Variants in TAOK3 observed in about 807,000 individuals in gnomAD.
TAOK3 encodes the protein TAO kinase 3, also known as serine/threonine-protein kinase TAO3.
TAOK3 carries 40 observed loss-of-function variants against 120.4 expected under a neutral mutation model. The ratio of observed to expected loss-of-function variants is 0.33; its 90% CI spans 0.26 to 0.43. The LOEUF (loss-of-function observed/expected upper bound fraction) is 0.43. Among genes scored for constraint, TAOK3 ranks in the 20% least tolerant of loss-of-function variants. The pLI, the probability that TAOK3 is intolerant of heterozygous loss-of-function variation, is 1.00. For missense variants in TAOK3, 821 were observed against 1,112.1 expected (o/e 0.74, Z 3.72); for synonymous variants, 355 against 387.5 (o/e 0.92, Z 0.99).
Position 118,241,992 on chromosome 12 carries a change from C to G in TAOK3, c.294+1423G>C, listed in dbSNP as rs149980711. On this transcript the variant is annotated intron_variant, in intron 5 of 20. Transcript: ENST00000392533. Reference sequence around the variant, plus strand: ...GGGTGTGGTACTCCGGTGGCTGAGACAGGAGAATCACTTGAACCCGGGAGG... The same window carrying G: ...GGGTGTGGTACTCCGGTGGCTGAGAGAGGAGAATCACTTGAACCCGGGAGG... Among the ~76,000 whole-genome samples, 770 of 151,232 alleles carry G rather than the reference C, an allele frequency of 5.1e-3. 12 individuals carry two copies. The highest frequency in any genetic ancestry group is 0.01 in the Middle Eastern group (3 of 292).
chr12:118,324,846 G>A (rs1187229775), intron 1 of TAOK3, among the ~76,000 whole-genome samples: 1 of 139,460 alleles, frequency 7.2e-6, no homozygotes, highest in South Asian at 2.4e-4. Flanking sequence ...CCGGGTTCAC[G>A]CCATTCTCCT....
chr12:118,163,819 C>A (rs918283978), intron 17 of TAOK3, among the ~76,000 whole-genome samples: 6 of 152,108 alleles, frequency 3.9e-5, no homozygotes, highest in Non-Finnish European at 5.9e-5. Context: ...TCAAGCAATT[C>A]TCCTGCCTCA....
intron 2 of TAOK3, 28 bp from the exon 3 acceptor site, chr12:118,255,683 A>G (rs2040950951): frequency 8.9e-7 from 1 of 1,119,466 alleles, no homozygotes; most frequent in South Asian, 1.7e-5. Flanking sequence ...TTGCCATTAA[A>G]TTATTTCTAA....
chr12:118,235,165 C>T (rs2039970174), intron 8 of TAOK3, among the ~76,000 whole-genome samples: 1 of 152,164 alleles, frequency 6.6e-6, no homozygotes, highest in African/African-American at 2.4e-5. Flanking sequence ...ACTTGGATTT[C>T]TTTCACTGAA....
chr12:118,229,033 T>C (rs1296851518), intron 9 of TAOK3, among the ~76,000 whole-genome samples: 2 of 152,108 alleles, frequency 1.3e-5, no homozygotes, highest in African/African-American at 4.8e-5. Context: ...GTGATTCTCC[T>C]ACCTCAGCTT....
chr12:118,334,297 T>C (rs2044273997), intron 1 of TAOK3, among the ~76,000 whole-genome samples: 1 of 152,068 alleles, frequency 6.6e-6, no homozygotes, highest in South Asian at 2.1e-4. Context: ...TATCCAACTT[T>C]AAAAAAGGAA....
chr12:118,251,090 A>G (rs912428481), intron 3 of TAOK3, among the ~76,000 whole-genome samples: 8 of 152,140 alleles, frequency 5.3e-5, no homozygotes, highest in African/African-American at 1.9e-4. Flanking sequence ...GAGAGCCCCT[A>G]AAGGCTTTAT....
chr12:118,287,327 C>T (rs1238475863), intron 1 of TAOK3, among the ~76,000 whole-genome samples: 2 of 152,122 alleles, frequency 1.3e-5, no homozygotes, highest in African/African-American at 2.4e-5. Flanking sequence ...GATCTCTGCT[C>T]ACTGCAGCCT....
chr12:118,321,661 CA>C (rs930191915), intron 1 of TAOK3, among the ~76,000 whole-genome samples: 4 of 151,988 alleles, frequency 2.6e-5, no homozygotes, highest in African/African-American at 7.2e-5. Context: ...CAAGACATTT[CA>C]AAAAAAGAGA....
chr12:118,183,565 T>A (rs1338617192), intron 14 of TAOK3, among the ~76,000 whole-genome samples: 2 of 152,130 alleles, frequency 1.3e-5, no homozygotes, highest in Non-Finnish European at 2.9e-5. Context: ...TGGACATAAT[T>A]CAAGATGAAA....
intron 1 of TAOK3, among the ~76,000 whole-genome samples, chr12:118,349,686 A>G (rs550654127): frequency 3.9e-5 from 6 of 152,340 alleles, no homozygotes; most frequent in African/African-American, 1.4e-4. Context: ...GAGGTTAGAT[A>G]TTGTAACAAC....
intron 13 of TAOK3, 31 bp from the exon 14 acceptor site, chr12:118,189,972 T>G: frequency 6.2e-7 from 1 of 1,611,398 alleles, no homozygotes; most frequent in Non-Finnish European, 8.5e-7. Flanking sequence ...AAGGAGAAAG[T>G]CCAGCTGTGC....
intron 14 of TAOK3, among the ~76,000 whole-genome samples, chr12:118,189,531 C>CACAG (rs1157573539): frequency 3.1e-5 from 3 of 96,826 alleles, no homozygotes; most frequent in African/African-American, 4.1e-5. Flanking sequence ...CACACACAGA[C>CACAG]ACAGACACAC....
At chr12:118,198,177 C>A (rs925249867) in intron 13 of TAOK3, among the ~76,000 whole-genome samples, 8 of 152,066 alleles carry the variant, frequency 5.3e-5, no homozygotes, top group African/African-American at 1.9e-4. Flanking sequence ...TATGGCCTTC[C>A]CCTTTTCCTT....
At chr12:118,245,069 G>C (rs1490176086) in intron 3 of TAOK3, 104 bp from the exon 4 acceptor site, 2 of 701,894 alleles carry the variant, frequency 2.8e-6, no homozygotes. Context: ...TTTATTTATT[G>C]ACAGTCTCAT....
intron 1 of TAOK3, among the ~76,000 whole-genome samples, chr12:118,318,307 A>G (rs2043557777): frequency 6.6e-6 from 1 of 151,888 alleles, no homozygotes; most frequent in African/African-American, 2.4e-5. Context: ...ACAGGAACGC[A>G]CCACCACGCC....
rs148647222 is a variant in TAOK3, at chr12:118,177,501, A to C, written c.1567-172T>G. Among the ~76,000 whole-genome samples, 323 of 141,860 alleles carry C rather than the reference A, an allele frequency of 2.3e-3. 8 individuals are homozygous for C. The East Asian group carries it at 0.078, about 34-fold the overall frequency. 93.1% of individuals were successfully genotyped at this position (141,860 alleles called of 152,430 possible). A position where few individuals can be genotyped will look rare whatever the true frequency, so the allele number is the denominator to read the frequency against. ...TTTTCTTGTATCTTAAAGAAACACA[A>C]AAAAAAAAACACCAGAAATTTTCAC... On this transcript the variant is annotated intron_variant, in intron 15 of 20. Transcript: ENST00000392533.
chr12:118,316,162 T>C (rs1211199708), intron 1 of TAOK3, among the ~76,000 whole-genome samples: 1 of 152,238 alleles, frequency 6.6e-6, no homozygotes, highest in Non-Finnish European at 1.5e-5. Flanking sequence ...AATAAATTTA[T>C]GTGCAGTGTC....
chr12:118,150,639 G>A lies in TAOK3; in HGVS notation c.*358C>T, dbSNP rs936105103. 5.9e-6 allele frequency: 1 copy of A among 169,714 alleles called. No individual in the cohort carries two copies. The highest frequency in any genetic ancestry group is 2.4e-5 in the African/African-American group (1 of 42,150). 10.5% of individuals were successfully genotyped at this position (169,714 alleles called of 1,614,324 possible). A position where few individuals can be genotyped will look rare whatever the true frequency, so the allele number is the denominator to read the frequency against. ...TACTTTCACAGATTGGTGGTAATGA[G>A]TGATTGCTTAAAGCAATATACATCC... On this transcript the variant is annotated 3_prime_UTR_variant, in exon 21 of 21. Transcript: ENST00000392533.
Sources: gnomAD v4.1 joint callset for allele counts (sites outside exome capture counted in the v4.1 genomes callset) on GRCh38, gnomAD v4.1.1 for gene constraint, MANE v1.5 for transcripts, NCBI Gene and HGNC (gene_info 2026-07-23, HGNC 2026-07-21) for gene names.